The following PKN2 variants were observed in gnomAD, a reference collection of about 807,000 sequenced individuals.
PKN2 encodes protein kinase N2, also known as serine/threonine-protein kinase N2.
PKN2 carries 38 observed loss-of-function variants against 119.1 expected under a neutral mutation model. The observed-to-expected ratio is 0.32, with a 90% confidence interval of 0.25 to 0.42. The LOEUF is 0.42. PKN2 is among the 10% of genes least tolerant of loss of function. PKN2 has a pLI of 1.00. For missense variants in PKN2, 850 were observed against 1,165.1 expected, an observed-to-expected ratio of 0.73 and a Z score of 3.94; for synonymous variants, 390 against 384.9, an observed-to-expected ratio of 1.01 and a Z score of -0.15.
chr1:88,743,228 C>T lies in PKN2; in HGVS notation c.349+1940C>T, dbSNP rs138231418. Among the ~76,000 whole-genome samples the T allele has an allele frequency of 2.4e-3, 363 of 152,246 alleles. 3 individuals carry two copies. The highest frequency in any genetic ancestry group is 8.6e-3 in the African/African-American group (358 of 41,554). ...TTATTGAAGTATAAATTACGTATGA[C>T]AAAATGCACGTATTTTAAGTACATG... is the stretch of plus-strand genomic sequence containing the variant. On this transcript the variant is annotated intron_variant, in intron 2 of 21. Transcript: ENST00000370521.
In PKN2 at chr1:88,729,892, T is replaced by G. The variant is rs545474087; in HGVS notation, c.49-11096T>G. 2.6e-5 allele frequency among the ~76,000 whole-genome samples: 4 copies of G among 152,142 alleles called. No homozygotes were observed. The East Asian group carries it at 7.7e-4, about 29-fold the overall frequency. On this transcript the variant is annotated intron_variant, in intron 1 of 21. Coordinates refer to ENST00000370521, the MANE Select transcript of PKN2 (RefSeq NM_006256.4). ...GCTGAAACCCTGCCCTGAGTTTCCA[T>G]TTCATTCAAAGTAAAAACCAAAGTC...
At chr1:88,730,879 G>A (rs1668122048) in intron 1 of PKN2, among the ~76,000 whole-genome samples, 1 of 152,190 alleles carries the variant, frequency 6.6e-6, no homozygotes, top group Admixed American at 6.5e-5. Flanking sequence ...TAGCATGATT[G>A]CAGTATCAGA....
chr1:88,714,374 G>T lies in PKN2; in HGVS notation c.49-26614G>T, dbSNP rs141784036. Among the ~76,000 whole-genome samples the T allele has an allele frequency of 3.3e-3, 498 of 152,300 alleles. 4 individuals carry two copies. Among genetic ancestry groups the T allele is most frequent in the African/African-American group, 0.01 (435 of 41,542 alleles). On this transcript the variant is annotated intron_variant, in intron 1 of 21. Transcript: ENST00000370521. ...TTGAATCTATAAATTACCATGGGCA[G>T]TGTGGCCATTTTCACGATATTGATT...
chr1:88,792,142 C>T (rs1422025462), intron 8 of PKN2, among the ~76,000 whole-genome samples: 3 of 152,174 alleles, frequency 2.0e-5, no homozygotes, highest in Non-Finnish European at 2.9e-5. Context: ...CGTTGGCTCA[C>T]GCCTGTAATC....
chr1:88,687,423 T>C (rs1242917556), intron 1 of PKN2, among the ~76,000 whole-genome samples: 1 of 152,200 alleles, frequency 6.6e-6, no homozygotes, highest in Non-Finnish European at 1.5e-5. Context: ...TCTTTTTTTA[T>C]TTGAAGTATA....
chr1:88,759,175 CAACATGGTGA>C lies in PKN2; in HGVS notation c.350-1043_350-1034del, dbSNP rs574143921. On this transcript the variant is annotated intron_variant, in intron 2 of 21. Coordinates refer to ENST00000370521, the MANE Select transcript of PKN2 (RefSeq NM_006256.4). ...GTCAGGAGTTCGAGAGCAGCCTGAC[CAACATGGTGA>C]AACTCCGCCTGTACTAAAAATACAA... Among the ~76,000 whole-genome samples the C allele has an allele frequency of 3.3e-3, 509 of 152,314 alleles. 4 individuals carry two copies. Among genetic ancestry groups the C allele is most frequent in the African/African-American group, 0.012 (486 of 41,572 alleles).
chr1:88,811,690 A>G (rs1375423061), intron 15 of PKN2, among the ~76,000 whole-genome samples: 3 of 152,136 alleles, frequency 2.0e-5, no homozygotes, highest in Admixed American at 6.6e-5. Flanking sequence ...TTTTCCCCTT[A>G]CCTACAACAC....
chr1:88,722,311 A>G (rs1321459347), intron 1 of PKN2, among the ~76,000 whole-genome samples: 3 of 152,174 alleles, frequency 2.0e-5, no homozygotes, highest in African/African-American at 2.4e-5. Flanking sequence ...GAAAGGAACA[A>G]TGACTTGTGA....
chr1:88,746,651 T>G (rs755479931), intron 2 of PKN2, among the ~76,000 whole-genome samples: 3 of 152,150 alleles, frequency 2.0e-5, no homozygotes, highest in African/African-American at 4.8e-5. Context: ...TTGTGCATTG[T>G]TGGTGGTATT....
intron 1 of PKN2, among the ~76,000 whole-genome samples, chr1:88,687,745 G>C (rs1380105540): frequency 1.3e-5 from 2 of 150,028 alleles, no homozygotes; most frequent in Non-Finnish European, 2.9e-5. Context: ...AAATTACAGG[G>C]GTTAATTTCA....
chr1:88,787,835 C>T (rs975927703), intron 8 of PKN2, among the ~76,000 whole-genome samples: 2 of 151,964 alleles, frequency 1.3e-5, no homozygotes, highest in East Asian at 3.9e-4. Context: ...TCTTTCTTAT[C>T]CCTAATTTGA....
chr1:88,755,443 C>A (rs560942588), intron 2 of PKN2, among the ~76,000 whole-genome samples: 2 of 152,244 alleles, frequency 1.3e-5, no homozygotes, highest in South Asian at 4.1e-4. Flanking sequence ...GGTTAAATTT[C>A]TGCATAGGTG....
chr1:88,795,708 C>T (rs1053258051), intron 8 of PKN2, among the ~76,000 whole-genome samples: 2 of 152,234 alleles, frequency 1.3e-5, no homozygotes, highest in African/African-American at 4.8e-5. Flanking sequence ...ACAAGCATCT[C>T]TCACCAAAGT....
At chr1:88,793,708 G>A (rs1670939994) in intron 8 of PKN2, among the ~76,000 whole-genome samples, 1 of 151,980 alleles carries the variant, frequency 6.6e-6, no homozygotes, top group Non-Finnish European at 1.5e-5. Flanking sequence ...ATATAAAATG[G>A]TGTATTTGCA....
At chr1:88,709,745 G>A (rs1667149272) in intron 1 of PKN2, among the ~76,000 whole-genome samples, 1 of 152,172 alleles carries the variant, frequency 6.6e-6, no homozygotes, top group Admixed American at 6.5e-5. Flanking sequence ...TTCAAATTGT[G>A]TATTACTCCC....
intron 1 of PKN2, among the ~76,000 whole-genome samples, chr1:88,708,731 G>T (rs1004816762): frequency 6.6e-6 from 1 of 151,128 alleles, no homozygotes; most frequent in Non-Finnish European, 1.5e-5. Flanking sequence ...CACAGTGCTG[G>T]CATTGCAGGC....
chr1:88,827,942 C>T (rs2100930040), intron 18 of PKN2, among the ~76,000 whole-genome samples: 1 of 151,800 alleles, frequency 6.6e-6, no homozygotes, highest in East Asian at 1.9e-4. Flanking sequence ...CCAGGCTGGT[C>T]TTGAACTCCT....
intron 3 of PKN2, among the ~76,000 whole-genome samples, chr1:88,764,469 T>A (rs1226202124): frequency 6.6e-6 from 1 of 152,238 alleles, no homozygotes; most frequent in Non-Finnish European, 1.5e-5. Context: ...ATAAATTTCA[T>A]GCAGGCAGAG....
chr1:88,820,549 AAAAT>A (rs143230212), intron 16 of PKN2, among the ~76,000 whole-genome samples: 9,957 of 150,778 alleles, frequency 0.066, 665 homozygotes, highest in African/African-American at 0.18. Flanking sequence ...AAAAATAAAT[AAAAT>A]AAATAAATAA....
Sources: allele counts gnomAD v4.1 joint callset (sites outside exome capture counted in the v4.1 genomes callset), GRCh38; gene constraint gnomAD v4.1.1; transcripts MANE v1.5; gene names NCBI Gene and HGNC (gene_info 2026-07-23, HGNC 2026-07-21).